SOX6: variants seen among roughly 807,000 people sequenced by gnomAD.
SOX6 encodes transcription factor SOX-6.
SOX6 carries 11 observed loss-of-function variants against 97.8 expected under a neutral mutation model. The ratio of observed to expected loss-of-function variants is 0.11; its 90% confidence interval spans 0.07 to 0.19. The LOEUF (loss-of-function observed/expected upper bound fraction) is 0.19, where lower values mean the gene tolerates loss of function less well. Ranked by LOEUF, SOX6 falls within the 10% of genes least tolerant of loss-of-function variation. SOX6 has a pLI of 1.00. For synonymous variants in SOX6, 360 were observed against 371.4 expected, an observed-to-expected ratio of 0.97 and a Z score of 0.35; for missense variants, 810 against 1,039.5, an observed-to-expected ratio of 0.78 and a Z score of 3.04.
chr11:16,131,232 T>C (rs951860283), intron 6 of SOX6, among the ~76,000 whole-genome samples: 4 of 151,624 alleles, frequency 2.6e-5, no homozygotes, highest in Non-Finnish European at 4.4e-5. Flanking sequence ...TTCAGAATAA[T>C]TAAGAAAAAC....
intron 3 of SOX6, among the ~76,000 whole-genome samples, chr11:16,653,980 T>C (rs761726470): frequency 6.6e-6 from 1 of 152,068 alleles, no homozygotes; most frequent in Non-Finnish European, 1.5e-5. Context: ...AGTCAAAATT[T>C]ATTAAATTTA....
At chr11:16,245,532 A>G (rs1220007493) in intron 3 of SOX6, among the ~76,000 whole-genome samples, 2 of 151,776 alleles carry the variant, frequency 1.3e-5, no homozygotes, top group East Asian at 3.8e-4. Flanking sequence ...TGTTAAAATC[A>G]CCAAGAATAA....
chr11:16,387,428 G>C (rs956102286), intron 1 of SOX6, among the ~76,000 whole-genome samples: 13 of 151,980 alleles, frequency 8.6e-5, no homozygotes, highest in African/African-American at 3.1e-4. Flanking sequence ...TCAGTGAACA[G>C]CTCAAACCAT....
intron 1 of SOX6, among the ~76,000 whole-genome samples, chr11:16,425,219 A>G (rs1383996978): frequency 2.0e-5 from 3 of 152,220 alleles, no homozygotes; most frequent in Non-Finnish European, 4.4e-5. Flanking sequence ...TCTAAGAAAC[A>G]GTCTGACAGC....
intron 6 of SOX6, among the ~76,000 whole-genome samples, chr11:16,127,005 T>A (rs1180859293): frequency 6.6e-6 from 1 of 152,034 alleles, no homozygotes. Context: ...TATCACCCCC[T>A]CAAAAAATAC....
intron 15 of SOX6, among the ~76,000 whole-genome samples, chr11:15,977,509 T>A (rs1398237017): frequency 6.6e-6 from 1 of 151,880 alleles, no homozygotes; most frequent in Admixed American, 6.6e-5. Context: ...CTCAGTTACT[T>A]GAGCCTCTCC....
chr11:16,720,695 A>G (rs1233625201), intron 2 of SOX6, among the ~76,000 whole-genome samples: 3 of 145,222 alleles, frequency 2.1e-5, no homozygotes, highest in East Asian at 2.2e-4. Context: ...AAGTATAATA[A>G]TAATAAAAAA....
chr11:16,154,176 A>T (rs893912175), intron 6 of SOX6, among the ~76,000 whole-genome samples: 21 of 152,140 alleles, frequency 1.4e-4, no homozygotes, highest in African/African-American at 4.6e-4. Context: ...AACAATGAAG[A>T]TACCTTACAT....
chr11:16,656,372 G>A (rs1564861063), intron 3 of SOX6, among the ~76,000 whole-genome samples: 1 of 152,124 alleles, frequency 6.6e-6, no homozygotes, highest in Non-Finnish European at 1.5e-5. Flanking sequence ...CACCGTGCCA[G>A]GCCACATTTT....
At chr11:15,991,954 G>A (rs1308568209) in intron 13 of SOX6, among the ~76,000 whole-genome samples, 1 of 152,118 alleles carries the variant, frequency 6.6e-6, no homozygotes, top group East Asian at 1.9e-4. Flanking sequence ...CAGAGCTCAA[G>A]TCTGACCTCT....
intron 3 of SOX6, among the ~76,000 whole-genome samples, chr11:16,670,669 T>A (rs1467466668): frequency 6.6e-6 from 1 of 152,192 alleles, no homozygotes; most frequent in African/African-American, 2.4e-5. Context: ...ACAGACTTCA[T>A]ACTGCACTGT....
upstream of SOX6, among the ~76,000 whole-genome samples, chr11:16,359,178 G>A (rs1265187756): frequency 6.6e-6 from 1 of 151,956 alleles, no homozygotes; most frequent in Non-Finnish European, 1.5e-5. Flanking sequence ...CGGGTCCTCA[G>A]AACGAGAAGT....
chr11:16,190,582 T>G (rs1851604042), intron 4 of SOX6, among the ~76,000 whole-genome samples: 1 of 152,194 alleles, frequency 6.6e-6, no homozygotes, highest in Admixed American at 6.5e-5. Context: ...ATAAGGAACT[T>G]GAGCATCCTC....
At chr11:16,275,464 A>C (rs1854372323) in intron 3 of SOX6, among the ~76,000 whole-genome samples, 1 of 150,044 alleles carries the variant, frequency 6.7e-6, no homozygotes, top group Non-Finnish European at 1.5e-5. Context: ...TCAAAAAAGA[A>C]CAAAAAACAA....
At chr11:16,664,036 G>A (rs1473017747) in intron 3 of SOX6, among the ~76,000 whole-genome samples, 1 of 152,108 alleles carries the variant, frequency 6.6e-6, no homozygotes, top group Non-Finnish European at 1.5e-5. Flanking sequence ...GCCAGGGCAG[G>A]AGTAGCACTT....
intron 12 of SOX6, among the ~76,000 whole-genome samples, chr11:16,045,957 G>C (rs543601648): frequency 1.3e-5 from 2 of 152,128 alleles, no homozygotes; most frequent in Non-Finnish European, 2.9e-5. Flanking sequence ...AGGAAAGCAG[G>C]TGTCTTTGTC....
At chr11:16,497,734 G>A (rs891282590) in intron 4 of SOX6, among the ~76,000 whole-genome samples, 4 of 109,236 alleles carry the variant, frequency 3.7e-5, no homozygotes, top group African/African-American at 1.3e-4. Flanking sequence ...AAGATGAAAT[G>A]AATGAAATGA....
rs139658658 is a variant in SOX6, at chr11:16,518,132, G to A, written n.610-41744C>T. On this transcript the variant is annotated intron_variant and non_coding_transcript_variant, in intron 4 of 5. Coordinates refer to the SOX6 transcript ENST00000524520. ...ACACATAAAGCCTGAAATCTTTACCGTCCTGTTAAAGGCTTTCATAAATGT... is the reference window on the plus strand; with the variant it reads ...ACACATAAAGCCTGAAATCTTTACCATCCTGTTAAAGGCTTTCATAAATGT... 5.8e-4 allele frequency among the ~76,000 whole-genome samples: 88 copies of A among 152,202 alleles called. 1 individual carries two copies. Among genetic ancestry groups the A allele is most frequent in the African/African-American group, 1.8e-3 (73 of 41,538 alleles).
chr11:15,975,836 A>AG (rs1853463029), intron 15 of SOX6, among the ~76,000 whole-genome samples: 1 of 151,688 alleles, frequency 6.6e-6, no homozygotes, highest in African/African-American at 2.4e-5. Context: ...TATCAGAAAA[A>AG]ACTTAGCAAT....
Sources: gnomAD v4.1 joint callset for allele counts (sites outside exome capture counted in the v4.1 genomes callset) on GRCh38, gnomAD v4.1.1 for gene constraint, MANE v1.5 for transcripts, NCBI Gene and HGNC (gene_info 2026-07-23, HGNC 2026-07-21) for gene names.